The following NTM variants were observed in gnomAD, a reference collection of about 807,000 sequenced individuals.
NTM encodes neurotrimin.
A neutral mutation model predicts 42.1 loss-of-function variants in NTM; 13 were observed. That is an observed-to-expected ratio of 0.31 (90% CI 0.20 to 0.49). The LOEUF is 0.49. Ranked by LOEUF, NTM falls within the 20% of genes least tolerant of loss-of-function variation. NTM has a pLI of 0.99. For missense variants in NTM, 373 were observed against 452.8 expected (o/e 0.82, Z 1.60); for synonymous variants, 187 against 179.2 (o/e 1.04, Z -0.35).
At chr11:131,906,402 C>T (rs1289881914) in intron 1 of NTM, among the ~76,000 whole-genome samples, 1 of 152,066 alleles carries the variant, frequency 6.6e-6, no homozygotes, top group Non-Finnish European at 1.5e-5. Flanking sequence ...CTTTATGCTC[C>T]TACGATCAAC....
chr11:131,571,893 A>G (rs992049619), intron 1 of NTM, among the ~76,000 whole-genome samples: 8 of 152,212 alleles, frequency 5.3e-5, no homozygotes, highest in East Asian at 1.9e-4. Flanking sequence ...GAGAGCACAT[A>G]TGAAAAAAAG....
At chr11:131,582,426 C>T (rs375036989) in intron 1 of NTM, 1 of 152,200 alleles carries the variant, frequency 6.6e-6, no homozygotes, top group South Asian at 2.1e-4. Context: ...TAGCAGTTGC[C>T]GCGCTTCCAA....
chr11:132,041,231 TAGAGAGAGAG>T (rs10598969), intron 2 of NTM, among the ~76,000 whole-genome samples: 4 of 145,468 alleles, frequency 2.7e-5, no homozygotes, highest in Non-Finnish European at 6.1e-5. Context: ...GAGAGATAGA[TAGAGAGAGAG>T]AGAGAGAGAG....
intron 1 of NTM, among the ~76,000 whole-genome samples, chr11:131,759,238 A>G (rs1392090258): frequency 1.3e-5 from 2 of 152,188 alleles, no homozygotes; most frequent in Admixed American, 6.5e-5. Context: ...GTTCACAGGC[A>G]TATTTATAAG....
At chr11:132,090,494 T>C (rs1246504585) in intron 2 of NTM, among the ~76,000 whole-genome samples, 1 of 152,190 alleles carries the variant, frequency 6.6e-6, no homozygotes, top group Non-Finnish European at 1.5e-5. Flanking sequence ...GGGTGCCATC[T>C]ATGGTTACCC....
intron 1 of NTM, among the ~76,000 whole-genome samples, chr11:131,783,974 A>T (rs1414379111): frequency 6.6e-6 from 1 of 152,204 alleles, no homozygotes; most frequent in Non-Finnish European, 1.5e-5. Context: ...AAATAAGTAA[A>T]ATGTTTAAAC....
At chr11:132,256,782 C>T (rs2092510539) in intron 4 of NTM, among the ~76,000 whole-genome samples, 1 of 152,194 alleles carries the variant, frequency 6.6e-6, no homozygotes, top group South Asian at 2.1e-4. Context: ...ATCAGCCCCA[C>T]TCTCACATAT....
intron 1 of NTM, among the ~76,000 whole-genome samples, chr11:131,514,305 T>C (rs2048620806): frequency 1.3e-5 from 2 of 152,238 alleles, no homozygotes; most frequent in Non-Finnish European, 2.9e-5. Context: ...CTTGATAGTG[T>C]TGTAAAATTC....
chr11:131,842,577 A>G lies in NTM; in HGVS notation c.83-68987A>G, dbSNP rs116306128. The stretch of plus-strand genomic sequence containing the variant: ...GAACATTATCTACTAAGCATGTTCA[A>G]CGCATCCAGGACAAAAAAATCTTGA... On this transcript the variant is annotated intron_variant, in intron 1 of 8. Transcript: ENST00000683400. Among the ~76,000 whole-genome samples, 995 of 152,342 alleles carry G rather than the reference A, an allele frequency of 6.5e-3. 13 individuals are homozygous for G. The highest frequency in any genetic ancestry group is 0.022 in the African/African-American group (928 of 41,580).
intron 1 of NTM, among the ~76,000 whole-genome samples, chr11:131,705,403 T>A (rs1251723619): frequency 6.6e-6 from 1 of 152,074 alleles, no homozygotes; most frequent in Non-Finnish European, 1.5e-5. Flanking sequence ...TGTAAAAGAC[T>A]AAAGACTTAC....
At chr11:131,597,247 T>C (rs2137351913) in intron 1 of NTM, among the ~76,000 whole-genome samples, 1 of 152,288 alleles carries the variant, frequency 6.6e-6, no homozygotes, top group East Asian at 1.9e-4. Context: ...GCCCCTTTAA[T>C]GCCACGTGGG....
intron 1 of NTM, among the ~76,000 whole-genome samples, chr11:131,753,314 A>C (rs577218992): frequency 6.6e-6 from 1 of 152,046 alleles, no homozygotes; most frequent in East Asian, 1.9e-4. Flanking sequence ...TAGTTCAACC[A>C]TTGTGGAAGT....
chr11:131,906,974 TC>T (rs2053957626), intron 1 of NTM, among the ~76,000 whole-genome samples: 1 of 152,162 alleles, frequency 6.6e-6, no homozygotes, highest in Non-Finnish European at 1.5e-5. Context: ...TCCCAGCCCT[TC>T]CCTACTGCCC....
At chr11:131,482,081 C>T (rs1283348408) in intron 1 of NTM, among the ~76,000 whole-genome samples, 1 of 152,118 alleles carries the variant, frequency 6.6e-6, no homozygotes, top group African/African-American at 2.4e-5. Flanking sequence ...TGGAATTGGG[C>T]CAAGGGACCC....
At chr11:131,788,320 T>C (rs966965116) in intron 1 of NTM, among the ~76,000 whole-genome samples, 1 of 152,132 alleles carries the variant, frequency 6.6e-6, no homozygotes, top group African/African-American at 2.4e-5. Flanking sequence ...TTTTGTCAGA[T>C]CCTTCCTGCC....
chr11:131,710,831 G>A (rs1243170205), intron 1 of NTM, among the ~76,000 whole-genome samples: 1 of 152,092 alleles, frequency 6.6e-6, no homozygotes. Flanking sequence ...GCATTTGTGG[G>A]TTACCTAGAA....
At chr11:131,757,892 C>T (rs1363842267) in intron 1 of NTM, among the ~76,000 whole-genome samples, 1 of 151,918 alleles carries the variant, frequency 6.6e-6, no homozygotes, top group African/African-American at 2.4e-5. Flanking sequence ...TTTAAAAATG[C>T]CATTATGGAA....
At chr11:131,910,935 C>A in intron 1 of NTM, 1 of 988,356 alleles carries the variant, frequency 1.0e-6, no homozygotes. Flanking sequence ...ACCCCTGCGC[C>A]TCCCGCGAGC....
Position 131,761,370 on chromosome 11 carries a change from T to TC in NTM, c.83-150189dup, listed in dbSNP as rs1462097994. 5.9e-5 allele frequency among the ~76,000 whole-genome samples: 9 copies of TC among 152,166 alleles called. No individual in the cohort carries two copies. In the South Asian group the frequency reaches 1.7e-3, roughly 28 times the overall value. On this transcript the variant is annotated intron_variant, in intron 1 of 8. Coordinates refer to ENST00000683400, the MANE Select transcript of NTM (RefSeq NM_001352005.2). ...AGGGTTACAGATGGAATGTTTTATA[T>TC]CCCCCTCCCCAAATTCCTATGTTGA...
Sources: gnomAD v4.1 joint callset for allele counts (sites outside exome capture counted in the v4.1 genomes callset) on GRCh38, gnomAD v4.1.1 for gene constraint, MANE v1.5 for transcripts, NCBI Gene and HGNC (gene_info 2026-07-23, HGNC 2026-07-21) for gene names.